Variants in ADGRL2 observed in about 807,000 individuals in gnomAD.
ADGRL2 encodes the protein adhesion G protein-coupled receptor L2.
Under a neutral mutation model 157.4 loss-of-function variants are expected in ADGRL2, and 44 were observed. The ratio of observed to expected loss-of-function variants is 0.28; its 90% CI spans 0.22 to 0.36. The LOEUF (loss-of-function observed/expected upper bound fraction) is 0.36, where lower values mean the gene tolerates loss of function less well. Among genes scored for constraint, ADGRL2 ranks in the 10% least tolerant of loss-of-function variants. The pLI is 1.00. For missense variants in ADGRL2, 1,510 were observed against 1,768.9 expected, an observed-to-expected ratio of 0.85 and a Z score of 2.63; for synonymous variants, 585 against 624.7, an observed-to-expected ratio of 0.94 and a Z score of 0.95.
intron 1 of ADGRL2, among the ~76,000 whole-genome samples, chr1:81,395,514 T>C (rs1478268960): frequency 5.3e-5 from 8 of 152,188 alleles, no homozygotes; most frequent in Non-Finnish European, 1.0e-4. Flanking sequence ...ACTTGGTGGA[T>C]TGTTTCCTTT....
chr1:81,692,607 T>C (rs1205578943), intron 3 of ADGRL2, among the ~76,000 whole-genome samples: 1 of 152,206 alleles, frequency 6.6e-6, no homozygotes, highest in East Asian at 1.9e-4. Context: ...ATAAAAATTA[T>C]ACATAAATTG....
intron 1 of ADGRL2, among the ~76,000 whole-genome samples, chr1:81,431,702 C>A (rs1260887187): frequency 6.6e-6 from 1 of 152,070 alleles, no homozygotes; most frequent in Non-Finnish European, 1.5e-5. Flanking sequence ...TTTATTTTTC[C>A]AGCACTCAAA....
intron 1 of ADGRL2, among the ~76,000 whole-genome samples, chr1:81,434,296 T>C (rs1286998273): frequency 4.6e-5 from 7 of 152,240 alleles, no homozygotes; most frequent in Non-Finnish European, 1.0e-4. Context: ...GTGTCACACA[T>C]GTAATGTATT....
At chr1:81,530,983 C>A (rs12089592) in intron 2 of ADGRL2, among the ~76,000 whole-genome samples, 23 of 151,444 alleles carry the variant, frequency 1.5e-4, no homozygotes, top group African/African-American at 5.1e-4. Context: ...ACTTGGGAGG[C>A]TGAGGCAGAA....
At chr1:81,700,885 C>G (rs2083556160) in intron 1 of ADGRL2, among the ~76,000 whole-genome samples, 1 of 152,196 alleles carries the variant, frequency 6.6e-6, no homozygotes, top group Non-Finnish European at 1.5e-5. Context: ...GAAGATATGA[C>G]CAGTTTGCAG....
At chr1:81,450,743 A>G (rs1208286907) in intron 2 of ADGRL2, among the ~76,000 whole-genome samples, 1 of 152,096 alleles carries the variant, frequency 6.6e-6, no homozygotes, top group Non-Finnish European at 1.5e-5. Context: ...ACAGATTCAG[A>G]AAAATCAATG....
chr1:81,393,799 T>A (rs1239338688), intron 1 of ADGRL2, among the ~76,000 whole-genome samples: 2 of 149,870 alleles, frequency 1.3e-5, no homozygotes, highest in South Asian at 4.2e-4. Flanking sequence ...ACATCTACTA[T>A]GTTAATACTA....
At chr1:81,858,803 T>C (rs936605154) in intron 2 of ADGRL2, among the ~76,000 whole-genome samples, 3 of 152,210 alleles carry the variant, frequency 2.0e-5, no homozygotes, top group Admixed American at 2.0e-4. Flanking sequence ...ATTTACCATT[T>C]TTTCCCGGAT....
chr1:81,528,878 TGAG>T (rs537032154), intron 2 of ADGRL2, among the ~76,000 whole-genome samples: 169 of 152,198 alleles, frequency 1.1e-3, no homozygotes, highest in African/African-American at 4.0e-3. Flanking sequence ...TTTGTATTAA[TGAG>T]GAGAATAGGA....
chr1:81,929,649 A>G (rs139554634), intron 3 of ADGRL2, among the ~76,000 whole-genome samples: 1 of 152,324 alleles, frequency 6.6e-6, no homozygotes, highest in African/African-American at 2.4e-5. Flanking sequence ...ATTCAAGATT[A>G]GAGTTGGAAT....
At chr1:81,554,542 T>C (rs2148406648) in intron 2 of ADGRL2, among the ~76,000 whole-genome samples, 1 of 151,968 alleles carries the variant, frequency 6.6e-6, no homozygotes, top group South Asian at 2.1e-4. Context: ...AACTGGTACA[T>C]ACATCAATTC....
chr1:81,881,457 T>G (rs2093985662), intron 2 of ADGRL2, among the ~76,000 whole-genome samples: 1 of 152,222 alleles, frequency 6.6e-6, no homozygotes, highest in Admixed American at 6.5e-5. Flanking sequence ...ATTACAGGCG[T>G]GAGCCACCAA....
chr1:81,650,213 T>C (rs1335422091), intron 3 of ADGRL2, among the ~76,000 whole-genome samples: 3 of 152,098 alleles, frequency 2.0e-5, no homozygotes, highest in Non-Finnish European at 4.4e-5. Flanking sequence ...AATAAATGAA[T>C]GATTGACTTT....
At chr1:81,900,203 A>C (rs12068985) in intron 2 of ADGRL2, among the ~76,000 whole-genome samples, 1 of 152,134 alleles carries the variant, frequency 6.6e-6, no homozygotes, top group Non-Finnish European at 1.5e-5. Flanking sequence ...GAGGGTGGCA[A>C]ATTCCCTCTA....
chr1:81,817,788 T>G (rs768527839), intron 1 of ADGRL2, among the ~76,000 whole-genome samples: 41 of 152,080 alleles, frequency 2.7e-4, no homozygotes, highest in Non-Finnish European at 3.1e-4. Context: ...CCAGAATGAT[T>G]CAATTTTTAC....
intron 3 of ADGRL2, among the ~76,000 whole-genome samples, chr1:81,643,615 G>A (rs1254868326): frequency 6.6e-6 from 1 of 152,062 alleles, no homozygotes; most frequent in Non-Finnish European, 1.5e-5. Context: ...AGCCACAAGT[G>A]GAATTTGAAA....
chr1:81,428,518 T>C (rs899418409), intron 1 of ADGRL2, among the ~76,000 whole-genome samples: 1 of 152,088 alleles, frequency 6.6e-6, no homozygotes, highest in Non-Finnish European at 1.5e-5. Context: ...ATGGGAGTCA[T>C]AGCAAGTATG....
intron 3 of ADGRL2, among the ~76,000 whole-genome samples, chr1:81,645,875 T>A (rs72937234): frequency 0.066 from 10,056 of 152,212 alleles, 378 homozygotes; most frequent in African/African-American, 0.1. Context: ...TCATAAGGTA[T>A]TGAGATGAAA....
intron 1 of ADGRL2, among the ~76,000 whole-genome samples, chr1:81,321,764 G>T (rs1660516869): frequency 6.6e-6 from 1 of 150,802 alleles, no homozygotes; most frequent in Admixed American, 6.6e-5. Flanking sequence ...TAATAAAAAT[G>T]AAAAAGCGTG....
Sources: allele counts gnomAD v4.1 joint callset (sites outside exome capture counted in the v4.1 genomes callset), GRCh38; gene constraint gnomAD v4.1.1; transcripts MANE v1.5; gene names NCBI Gene and HGNC (gene_info 2026-07-23, HGNC 2026-07-21).